TM7SF3: variants seen among roughly 807,000 people sequenced by gnomAD.
TM7SF3 encodes the protein seven span transmembrane protein.
TM7SF3 carries 60 observed loss-of-function variants against 65.5 expected under a neutral mutation model. The ratio of observed to expected loss-of-function variants is 0.92; its 90% CI spans 0.74 to 1.14. The LOEUF is 1.14. Ranked by LOEUF, TM7SF3 falls within the 50% of genes most tolerant of loss-of-function variation. TM7SF3 has a pLI of 0.00. For synonymous variants in TM7SF3, 264 were observed against 259.6 expected (o/e 1.02, Z -0.16); for missense variants, 623 against 684.8 (o/e 0.91, Z 1.01).
At chr12:26,990,396 CATT>C in intron 6 of TM7SF3, 51 bp downstream of exon 6, 1 of 1,343,908 alleles carries the variant, frequency 7.4e-7, no homozygotes, top group Non-Finnish European at 1.1e-6. Flanking sequence ...TAGACAAAAG[CATT>C]ATCTGCAAGG....
chr12:26,977,271 A>G (rs993094454), intron 9 of TM7SF3, among the ~76,000 whole-genome samples: 1 of 152,228 alleles, frequency 6.6e-6, no homozygotes, highest in African/African-American at 2.4e-5. Flanking sequence ...CACAAAATAC[A>G]TATGTGGCTT....
intron 3 of TM7SF3, 78 bp from the exon 4 acceptor site, chr12:26,996,940 C>T: frequency 6.8e-7 from 1 of 1,462,990 alleles, no homozygotes; most frequent in Non-Finnish European, 9.1e-7. Context: ...AGAACTCTAT[C>T]TACTCTTACA....
At chr12:26,974,347 G>C in intron 11 of TM7SF3, 120 bp from the exon 12 acceptor site, 1 of 1,070,354 alleles carries the variant, frequency 9.3e-7, no homozygotes, top group East Asian at 2.6e-5. Flanking sequence ...TGGTGAGTTA[G>C]TCCAAACACA....
chr12:27,012,996 A>C, intron 1 of TM7SF3: 1 of 26,686 alleles, frequency 3.7e-5, no homozygotes, highest in Non-Finnish European at 9.8e-5. Context: ...AGACTCCGTC[A>C]AAAAAAAAAA....
At chr12:26,983,645 T>C (rs1565870537) in intron 6 of TM7SF3, 1 of 442,936 alleles carries the variant, frequency 2.3e-6, no homozygotes, top group Non-Finnish European at 4.6e-6. Context: ...GCTGGATAAT[T>C]GGTGTATGGA....
intron 11 of TM7SF3, 39 bp downstream of exon 11, chr12:26,975,457 C>G (rs1281835192): frequency 1.2e-6 from 2 of 1,611,172 alleles, no homozygotes; most frequent in Admixed American, 3.3e-5. Context: ...AAGACTCCTA[C>G]TGTGCTGTCA....
rs1470142904 is a variant in TM7SF3 at position 27,003,339 on chromosome 12, G to C, written c.143C>G (p.Pro48Arg). 3 of 1,613,352 alleles carry C rather than the reference G, an allele frequency of 1.9e-6. No individual in the cohort carries two copies. The South Asian group carries it at 3.3e-5, about 18-fold the overall frequency. ...GKFRYFELNR[P>R]FPEEAILHDI... is the part of the protein sequence containing the mutation. ...ATGCAAAATAGCTTCCTCTGGAAAG[G>C]GCCTATTGAGCTCGAAGTATCTAAA... Residue 48 changes from proline to arginine, a missense_variant, in exon 2 of 12, where the codon CCC becomes CGC. Physicochemically the swap from Pro to Arg is moderately radical, Grantham distance 103 (BLOSUM62 -2). Transcript: ENST00000343028.
rs1940555241 is a variant in TM7SF3 at position 26,995,538 on chromosome 12, G to A, written c.519-130C>T. Reference sequence around the variant, plus strand: ...AATTTAACAGTTCACCTTTTGCAGTGGCAACAATTGGTATTCTGAAGAAAA... The same window carrying A: ...AATTTAACAGTTCACCTTTTGCAGTAGCAACAATTGGTATTCTGAAGAAAA... On this transcript the variant is annotated intron_variant, in intron 4 of 11. Transcript: ENST00000343028. The A allele has an allele frequency of 4.3e-6, 4 of 932,176 alleles. No homozygotes were observed. In the South Asian group the frequency reaches 6.1e-5, roughly 14 times the overall value. 57.7% of individuals were successfully genotyped at this position (932,176 alleles called of 1,614,324 possible). A position where few individuals can be genotyped will look rare whatever the true frequency, so the allele number is the denominator to read the frequency against.
At chr12:26,989,999 CCT>C (rs1472627203) in intron 6 of TM7SF3, among the ~76,000 whole-genome samples, 1 of 152,166 alleles carries the variant, frequency 6.6e-6, no homozygotes, top group East Asian at 1.9e-4. Context: ...TCCTGCAACC[CCT>C]GTCATCACTG....
chr12:26,992,448 C>G (rs1565878172), intron 5 of TM7SF3, among the ~76,000 whole-genome samples: 1 of 152,048 alleles, frequency 6.6e-6, no homozygotes, highest in Non-Finnish European at 1.5e-5. Context: ...CTACGCCCAG[C>G]TAATTTTTTG....
In TM7SF3 at chr12:26,980,294, A is replaced by G. The variant is rs1939760537; in HGVS notation, c.1036+272T>C. 5.7e-6 allele frequency: 3 copies of G among 530,230 alleles called. No individual in the cohort carries two copies. In the South Asian group the frequency reaches 7.4e-5, roughly 13 times the overall value. The allele number at this position is 530,230 out of a possible 1,614,324, so 32.8% of individuals were successfully genotyped here. A position where few individuals can be genotyped will look rare whatever the true frequency, so the allele number is the denominator to read the frequency against. ...ACATTTTGCTTGTTGTACATCTCAT[A>G]TCTTCAACATATCACATAGCCAGAA... On this transcript the variant is annotated intron_variant, in intron 8 of 11. Coordinates refer to ENST00000343028, the MANE Select transcript of TM7SF3 (RefSeq NM_016551.3).
Position 26,971,707 on chromosome 12 carries a change from G to A in TM7SF3, c.*2258C>T, listed in dbSNP as rs1939368661. The A allele has an allele frequency of 6.6e-6, 1 of 151,986 alleles. No individual in the cohort carries two copies. The highest frequency in any genetic ancestry group is 2.1e-4 in the South Asian group (1 of 4,818). The allele number at this position is 151,986 out of a possible 1,614,324, so 9.4% of individuals were successfully genotyped here. ...TGTTCTGTCTTTACAGTCTTCACTG[G>A]CAGTGCATTCAGATAGTATAGAAAA... On this transcript the variant is annotated 3_prime_UTR_variant, in exon 12 of 12. Coordinates refer to ENST00000343028, the MANE Select transcript of TM7SF3 (RefSeq NM_016551.3).
At chr12:26,980,512 A>G in intron 8 of TM7SF3, 54 bp downstream of exon 8, 1 of 920,674 alleles carries the variant, frequency 1.1e-6, no homozygotes, top group East Asian at 2.4e-5. Context: ...GGTGAAGTAA[A>G]ACACAGCACC....
At position 26,971,892 on chromosome 12, in the gene TM7SF3, T is replaced by A. The variant is rs1324674340; in HGVS notation, c.*2073A>T. ...ATTTTTCAAAGCAAAAATTGTTTTA[T>A]ATTTTCTATGTTGTTTTATCCTGCC... is the stretch of plus-strand genomic sequence containing the variant. On this transcript the variant is annotated 3_prime_UTR_variant, in exon 12 of 12. Coordinates refer to ENST00000343028, the MANE Select transcript of TM7SF3 (RefSeq NM_016551.3). The A allele has an allele frequency of 6.6e-6, 1 of 152,254 alleles. No homozygotes were observed. 9.4% of individuals were successfully genotyped at this position (152,254 alleles called of 1,614,324 possible). A position where few individuals can be genotyped will look rare whatever the true frequency, so the allele number is the denominator to read the frequency against.
At chr12:26,983,706 T>TA (rs1939917779) in intron 6 of TM7SF3, 1 of 357,870 alleles carries the variant, frequency 2.8e-6, no homozygotes, top group Non-Finnish European at 5.7e-6. Flanking sequence ...ACTCACAATT[T>TA]AAAAACATGT....
At chr12:27,013,059 C>G (rs907986115) in intron 1 of TM7SF3, 2 of 173,182 alleles carry the variant, frequency 1.2e-5, no homozygotes, top group African/African-American at 4.8e-5. Context: ...GGGAGCCAAG[C>G]CCGGGCATGT....
intron 5 of TM7SF3, among the ~76,000 whole-genome samples, chr12:26,992,851 C>T (rs910195876): frequency 1.2e-4 from 18 of 150,076 alleles, no homozygotes; most frequent in Admixed American, 2.0e-4. Context: ...AGCTCACCTA[C>T]GAAAATGAAT....
At chr12:26,985,548 C>T (rs1170540978) in intron 6 of TM7SF3, among the ~76,000 whole-genome samples, 1 of 141,494 alleles carries the variant, frequency 7.1e-6, no homozygotes, top group Non-Finnish European at 1.5e-5. Flanking sequence ...TTACTTGAAC[C>T]TGAGAGGCAG....
In TM7SF3 at chr12:26,980,620, T is replaced by C; in HGVS notation, c.982A>G (p.Met328Val). The change falls in exon 8 of 12, where the codon ATG (methionine) becomes GTG (valine). Residue 328 changes from methionine (M) to valine (V), a missense_variant. Physicochemically the swap from Met to Val is conservative, Grantham distance 21 (BLOSUM62 1). Transcript: ENST00000343028. ...TELFFIGFII[M>V]GFFFYILITR... is the part of the protein sequence containing the mutation. ...ATCAGTATATAAAAGAAGAATCCCATGATGATAAAGCCTATGAAGAATAAT... is the reference window on the plus strand; with the variant it reads ...ATCAGTATATAAAAGAAGAATCCCACGATGATAAAGCCTATGAAGAATAAT... The C allele has an allele frequency of 6.3e-7, 1 of 1,577,378 alleles. No individual in the cohort carries two copies. Among genetic ancestry groups the C allele is most frequent in the Non-Finnish European group, 8.7e-7 (1 of 1,154,864 alleles).
Sources: gnomAD v4.1 joint callset for allele counts (sites outside exome capture counted in the v4.1 genomes callset) on GRCh38, gnomAD v4.1.1 for gene constraint, MANE v1.5 for transcripts, NCBI Gene and HGNC (gene_info 2026-07-23, HGNC 2026-07-21) for gene names.